The following NBEA variants were observed in gnomAD, a reference collection of about 807,000 sequenced individuals.
NBEA encodes lysosomal-trafficking regulator 2.
In NBEA, 44 loss-of-function variants were observed where a neutral mutation model predicts 343.4. The observed-to-expected ratio is 0.13, with a 90% CI of 0.10 to 0.16. The LOEUF (loss-of-function observed/expected upper bound fraction) is 0.16, where lower values mean the gene tolerates loss of function less well. Among genes scored for constraint, NBEA ranks in the 10% least tolerant of loss-of-function variants. The pLI, the probability that NBEA is intolerant of heterozygous loss-of-function variation, is 1.00. For synonymous variants in NBEA, 1,175 were observed against 1,238.7 expected, an observed-to-expected ratio of 0.95 and a Z score of 1.08; for missense variants, 2,555 against 3,631.3, an observed-to-expected ratio of 0.70 and a Z score of 7.62.
At chr13:35,168,840 G>T in intron 24 of NBEA, 147 bp from the exon 25 acceptor site, 1 of 447,344 alleles carries the variant, frequency 2.2e-6, no homozygotes, top group South Asian at 7.9e-5. Context: ...TCTCTTCTGA[G>T]AATTTTGCTT....
At chr13:35,500,330 C>G (rs1566228785) in intron 41 of NBEA, among the ~76,000 whole-genome samples, 3 of 152,054 alleles carry the variant, frequency 2.0e-5, no homozygotes, top group African/African-American at 7.2e-5. Context: ...AGCCATAAGA[C>G]TGTTATGTGA....
At chr13:35,440,249 A>G (rs2045665766) in intron 39 of NBEA, among the ~76,000 whole-genome samples, 1 of 152,266 alleles carries the variant, frequency 6.6e-6, no homozygotes, top group Non-Finnish European at 1.5e-5. Flanking sequence ...GGGTAACAAC[A>G]TTGAAGGATG....
intron 1 of NBEA, among the ~76,000 whole-genome samples, chr13:34,976,572 A>G (rs1166620691): frequency 1.3e-5 from 2 of 152,200 alleles, no homozygotes; most frequent in African/African-American, 4.8e-5. Context: ...ACCTATTGAA[A>G]TAAAAAATTT....
At chr13:35,358,404 G>A (rs2040616645) in intron 38 of NBEA, among the ~76,000 whole-genome samples, 2 of 152,162 alleles carry the variant, frequency 1.3e-5, no homozygotes, top group Admixed American at 1.3e-4. Flanking sequence ...TAGTAGAAGA[G>A]ATTGATATTG....
At chr13:35,407,519 A>G (rs1331816789) in intron 38 of NBEA, among the ~76,000 whole-genome samples, 1 of 35,152 alleles carries the variant, frequency 2.8e-5, no homozygotes, top group Non-Finnish European at 1.2e-4. Flanking sequence ...CATCATTTCA[A>G]AAAAAAAAAA....
At chr13:35,214,886 G>A (rs1034063597) in intron 33 of NBEA, among the ~76,000 whole-genome samples, 1 of 151,648 alleles carries the variant, frequency 6.6e-6, no homozygotes, top group Non-Finnish European at 1.5e-5. Flanking sequence ...GTGAGGTAAA[G>A]GTTGGGATTT....
intron 27 of NBEA, among the ~76,000 whole-genome samples, chr13:35,176,591 A>C (rs1439995576): frequency 6.6e-6 from 1 of 152,046 alleles, no homozygotes; most frequent in African/African-American, 2.4e-5. Context: ...GGTTACACAT[A>C]CAAAATCTCA....
chr13:35,610,811 A>G (rs1271277020), intron 48 of NBEA, among the ~76,000 whole-genome samples: 3 of 152,170 alleles, frequency 2.0e-5, no homozygotes, highest in East Asian at 3.8e-4. Context: ...AAGGACTAGG[A>G]TCTAAAATAT....
intron 1 of NBEA, among the ~76,000 whole-genome samples, chr13:34,978,549 C>G (rs1197079179): frequency 2.6e-5 from 4 of 152,088 alleles, no homozygotes; most frequent in African/African-American, 9.7e-5. Flanking sequence ...ATGCATGTAC[C>G]TGAGTAACCC....
intron 38 of NBEA, among the ~76,000 whole-genome samples, chr13:35,427,233 TC>T (rs1403489418): frequency 6.6e-6 from 1 of 152,216 alleles, no homozygotes; most frequent in Non-Finnish European, 1.5e-5. Flanking sequence ...TTCCAGTTTT[TC>T]TGCTCTGTTT....
chr13:35,160,043 T>A lies in NBEA; in HGVS notation c.3861+11T>A. 6.5e-7 allele frequency: 1 copy of A among 1,531,626 alleles called. No individual in the cohort carries two copies. Among genetic ancestry groups the A allele is most frequent in the Non-Finnish European group, 8.7e-7 (1 of 1,145,276 alleles). 94.9% of individuals were successfully genotyped at this position (1,531,626 alleles called of 1,614,324 possible). A position where few individuals can be genotyped will look rare whatever the true frequency, so the allele number is the denominator to read the frequency against. On this transcript the variant is annotated intron_variant, in intron 22 of 58. Coordinates refer to ENST00000379939, the MANE Select transcript of NBEA (RefSeq NM_001385012.1). ...ACTACTACGACACAAGTAAGCTACC[T>A]TATATGAGTTCTAGAAATAAATAAA...
intron 41 of NBEA, among the ~76,000 whole-genome samples, chr13:35,527,346 C>T (rs768154252): frequency 1.3e-4 from 20 of 152,202 alleles, no homozygotes; most frequent in Admixed American, 2.6e-4. Flanking sequence ...CTCCCGGCTT[C>T]AGGCCATTCC....
chr13:35,231,888 G>C (rs545055074), intron 33 of NBEA, among the ~76,000 whole-genome samples: 120 of 152,016 alleles, frequency 7.9e-4, no homozygotes, highest in Non-Finnish European at 1.3e-3. Context: ...ACTTTTACAT[G>C]TACCAAAGTA....
chr13:35,099,714 A>C (rs1206613343), intron 11 of NBEA, among the ~76,000 whole-genome samples: 1 of 152,144 alleles, frequency 6.6e-6, no homozygotes, highest in Non-Finnish European at 1.5e-5. Context: ...AATATAAACA[A>C]TAAAAATTAG....
In NBEA at chr13:35,210,971, C is replaced by G. The variant is rs563063781; in HGVS notation, c.5522-82C>G. 83 of 1,405,748 alleles carry G rather than the reference C, an allele frequency of 5.9e-5. No individual in the cohort carries two copies. The African/African-American group carries it at 1.1e-3, about 19-fold the overall frequency. The allele number at this position is 1,405,748 out of a possible 1,614,324, so 87.1% of individuals were successfully genotyped here. ...TTGAAAATCTGATGAGTAATTCTTTCAAAATCAGATAGTAATGGTGTAATT... is the reference window on the plus strand; with the variant it reads ...TTGAAAATCTGATGAGTAATTCTTTGAAAATCAGATAGTAATGGTGTAATT... On this transcript the variant is annotated intron_variant, in intron 32 of 58. Coordinates refer to ENST00000379939, the MANE Select transcript of NBEA (RefSeq NM_001385012.1).
chr13:35,062,392 A>G (rs1262119113), intron 8 of NBEA, among the ~76,000 whole-genome samples: 2 of 151,772 alleles, frequency 1.3e-5, no homozygotes, highest in African/African-American at 4.8e-5. Context: ...AAGGTCTAAT[A>G]GGCACAGTAT....
At chr13:35,111,507 T>G (rs1197272712) in intron 13 of NBEA, among the ~76,000 whole-genome samples, 2 of 152,014 alleles carry the variant, frequency 1.3e-5, no homozygotes, top group South Asian at 2.1e-4. Context: ...TAATTACTGA[T>G]ATGATTTTGG....
At chr13:35,300,904 T>A (rs1350150506) in intron 35 of NBEA, among the ~76,000 whole-genome samples, 1 of 152,184 alleles carries the variant, frequency 6.6e-6, no homozygotes, top group East Asian at 1.9e-4. Context: ...TACTGTGTAC[T>A]GTTGTCTACC....
chr13:35,085,672 C>A (rs943114690), intron 10 of NBEA, among the ~76,000 whole-genome samples: 1 of 152,100 alleles, frequency 6.6e-6, no homozygotes, highest in African/African-American at 2.4e-5. Context: ...AAAACTGGCA[C>A]AAGACAGAGA....
Sources: gnomAD v4.1 joint callset for allele counts (sites outside exome capture counted in the v4.1 genomes callset) on GRCh38, gnomAD v4.1.1 for gene constraint, MANE v1.5 for transcripts, NCBI Gene and HGNC (gene_info 2026-07-23, HGNC 2026-07-21) for gene names.